CACNA2D3: variants seen among roughly 807,000 people sequenced by gnomAD.
CACNA2D3 encodes voltage-dependent calcium channel subunit alpha-2/delta-3.
CACNA2D3 carries 60 observed loss-of-function variants against 160.6 expected under a neutral mutation model. The ratio of observed to expected loss-of-function variants is 0.37; its 90% confidence interval spans 0.30 to 0.46. The LOEUF is 0.46. CACNA2D3 is among the 20% of genes least tolerant of loss of function. The pLI is 1.00. For missense variants in CACNA2D3, 1,205 were observed against 1,365.0 expected (o/e 0.88, Z 1.85); for synonymous variants, 558 against 492.9 (o/e 1.13, Z -1.75).
chr3:54,710,124 C>G (rs762933092), intron 11 of CACNA2D3, among the ~76,000 whole-genome samples: 4 of 152,082 alleles, frequency 2.6e-5, no homozygotes, highest in Non-Finnish European at 4.4e-5. Context: ...CTATTGTGTA[C>G]CAGGCATTGA....
intron 3 of CACNA2D3, among the ~76,000 whole-genome samples, chr3:54,383,043 T>C (rs1272515169): frequency 2.0e-5 from 3 of 152,062 alleles, no homozygotes; most frequent in African/African-American, 7.2e-5. Context: ...AGATGGGGAT[T>C]TGCCATGTTG....
At chr3:54,588,312 A>T (rs1702799329) in intron 9 of CACNA2D3, among the ~76,000 whole-genome samples, 1 of 152,218 alleles carries the variant, frequency 6.6e-6, no homozygotes, top group South Asian at 2.1e-4. Context: ...AATGGGAAGT[A>T]ACTTCTCCAA....
intron 2 of CACNA2D3, among the ~76,000 whole-genome samples, chr3:54,286,590 T>C (rs1044890340): frequency 5.9e-5 from 9 of 152,112 alleles, no homozygotes; most frequent in Non-Finnish European, 8.8e-5. Flanking sequence ...GCCACAAAGA[T>C]ATTCCTCGAG....
intron 2 of CACNA2D3, among the ~76,000 whole-genome samples, chr3:54,223,806 C>T (rs958608093): frequency 3.8e-4 from 57 of 148,916 alleles, no homozygotes; most frequent in African/African-American, 1.3e-3. Context: ...GAGCCGAGAT[C>T]GCACCATTGC....
In CACNA2D3 at chr3:54,924,699, A is replaced by G. The variant is rs1390907793; in HGVS notation, c.2449+24831A>G. The G allele has an allele frequency of 1.6e-5, 26 of 1,614,044 alleles. No homozygotes were observed. In the Admixed American group the frequency reaches 2.8e-4, roughly 18 times the overall value. On this transcript the variant is annotated intron_variant, in intron 27 of 37. Transcript: ENST00000474759. ...TTTCCAGAGGTTGTCCTTGAGAAGT[A>G]AAAGCCTCACACTGGGCATGGATTC...
intron 2 of CACNA2D3, among the ~76,000 whole-genome samples, chr3:54,209,232 G>C (rs114549974): frequency 6.6e-6 from 1 of 152,174 alleles, no homozygotes; most frequent in Non-Finnish European, 1.5e-5. Context: ...TTTCAAGATA[G>C]GCATCGAAAT....
chr3:54,848,860 A>G (rs1051039621), intron 17 of CACNA2D3, among the ~76,000 whole-genome samples: 3 of 152,196 alleles, frequency 2.0e-5, no homozygotes, highest in Non-Finnish European at 4.4e-5. Flanking sequence ...GCTTGTTGTC[A>G]CAGTAAATGA....
chr3:54,641,002 T>G (rs1227019586), intron 10 of CACNA2D3, among the ~76,000 whole-genome samples: 1 of 152,044 alleles, frequency 6.6e-6, no homozygotes, highest in Non-Finnish European at 1.5e-5. Flanking sequence ...CTCTTGTGTA[T>G]TTTTTGAAAT....
intron 9 of CACNA2D3, among the ~76,000 whole-genome samples, chr3:54,616,513 C>T (rs1698853408): frequency 6.6e-6 from 1 of 152,180 alleles, no homozygotes; most frequent in African/African-American, 2.4e-5. Context: ...ATGACATTCT[C>T]TTTGTTGCAG....
chr3:54,392,815 G>C (rs1278968942), intron 4 of CACNA2D3, among the ~76,000 whole-genome samples: 1 of 152,084 alleles, frequency 6.6e-6, no homozygotes, highest in African/African-American at 2.4e-5. Context: ...GGAGAGAAAG[G>C]GCAGCTCAGG....
intron 14 of CACNA2D3, among the ~76,000 whole-genome samples, chr3:54,832,052 C>T (rs1703892581): frequency 6.7e-6 from 1 of 149,234 alleles, no homozygotes; most frequent in Admixed American, 6.7e-5. Flanking sequence ...CACACACACA[C>T]ACACGTCTCT....
chr3:54,476,242 A>AT (rs1306552491), intron 4 of CACNA2D3, among the ~76,000 whole-genome samples: 1 of 148,506 alleles, frequency 6.7e-6, no homozygotes, highest in Non-Finnish European at 1.5e-5. Flanking sequence ...AATATATAAT[A>AT]TTCCTGCGTG....
intron 2 of CACNA2D3, among the ~76,000 whole-genome samples, chr3:54,158,541 C>CA (rs1387871900): frequency 6.6e-6 from 1 of 152,170 alleles, no homozygotes; most frequent in South Asian, 2.1e-4. Context: ...TCTTGAATAA[C>CA]AAAGAGTACT....
At chr3:54,401,799 C>A (rs1699470733) in intron 4 of CACNA2D3, among the ~76,000 whole-genome samples, 1 of 152,020 alleles carries the variant, frequency 6.6e-6, no homozygotes, top group Non-Finnish European at 1.5e-5. Flanking sequence ...ACTAATGTAA[C>A]AACATATGAA....
chr3:54,233,758 G>C (rs913685102), intron 2 of CACNA2D3, among the ~76,000 whole-genome samples: 1 of 152,154 alleles, frequency 6.6e-6, no homozygotes, highest in Non-Finnish European at 1.5e-5. Flanking sequence ...GAGAAGTTGG[G>C]GATCCTTAAG....
At chr3:55,035,917 G>A (rs1439038070) in intron 35 of CACNA2D3, among the ~76,000 whole-genome samples, 4 of 152,134 alleles carry the variant, frequency 2.6e-5, no homozygotes, top group African/African-American at 9.7e-5. Flanking sequence ...ATTAAAATTT[G>A]GTAGCCCCAG....
chr3:54,311,049 C>T (rs569080019), intron 2 of CACNA2D3, among the ~76,000 whole-genome samples: 71 of 152,350 alleles, frequency 4.7e-4, no homozygotes, highest in African/African-American at 1.5e-3. Flanking sequence ...GGTGATTCTA[C>T]TGCGATTTGA....
At chr3:54,866,767 C>G (rs1317145001) in intron 17 of CACNA2D3, among the ~76,000 whole-genome samples, 2 of 152,164 alleles carry the variant, frequency 1.3e-5, no homozygotes, top group African/African-American at 2.4e-5. Context: ...GTATCCAGAC[C>G]ATTAAATATG....
intron 9 of CACNA2D3, among the ~76,000 whole-genome samples, chr3:54,607,524 G>A (rs998573406): frequency 3.3e-5 from 5 of 152,070 alleles, no homozygotes; most frequent in Non-Finnish European, 5.9e-5. Flanking sequence ...CCACAGTGCC[G>A]CTACACACAA....
Sources: gnomAD v4.1 joint callset for allele counts (sites outside exome capture counted in the v4.1 genomes callset) on GRCh38, gnomAD v4.1.1 for gene constraint, MANE v1.5 for transcripts, NCBI Gene and HGNC (gene_info 2026-07-23, HGNC 2026-07-21) for gene names.